GALNT10: variants seen among roughly 807,000 people sequenced by gnomAD.
The protein encoded by GALNT10 is GalNAc transferase 10.
A neutral mutation model predicts 75.0 loss-of-function variants in GALNT10; 41 were observed. That is an observed-to-expected ratio of 0.55 (90% CI 0.43 to 0.71). The LOEUF (loss-of-function observed/expected upper bound fraction) is 0.71. Among genes scored for constraint, GALNT10 ranks in the 30% least tolerant of loss-of-function variants. The pLI is 0.00. For synonymous variants in GALNT10, 302 were observed against 313.0 expected, an observed-to-expected ratio of 0.96 and a Z score of 0.37; for missense variants, 727 against 818.5, an observed-to-expected ratio of 0.89 and a Z score of 1.36.
At chr5:154,222,422 T>G (rs1251955801) in intron 1 of GALNT10, among the ~76,000 whole-genome samples, 1 of 152,218 alleles carries the variant, frequency 6.6e-6, no homozygotes, top group Non-Finnish European at 1.5e-5. Flanking sequence ...AAAGCTGTTA[T>G]AAACATTTGT....
intron 3 of GALNT10, among the ~76,000 whole-genome samples, chr5:154,303,424 T>C (rs1480259065): frequency 6.6e-6 from 1 of 151,716 alleles, no homozygotes; most frequent in African/African-American, 2.4e-5. Flanking sequence ...ATCTACAGAG[T>C]CCTCTCAAAC....
In GALNT10 at chr5:154,420,597, C is replaced by G. The variant is rs930098549; in HGVS notation, c.*3625C>G. On this transcript the variant is annotated 3_prime_UTR_variant, in exon 12 of 12. Coordinates refer to ENST00000297107, the MANE Select transcript of GALNT10 (RefSeq NM_198321.4). ...TTCTGGAATTCCTTATTGCTTTCAA[C>G]GGACACTCTTTGTGAAAAATCCAAG... is the stretch of plus-strand genomic sequence containing the variant. 1 of 152,196 alleles carries G rather than the reference C, an allele frequency of 6.6e-6. No homozygotes were observed. Among genetic ancestry groups the G allele is most frequent in the Non-Finnish European group, 1.5e-5 (1 of 68,040 alleles). 9.4% of individuals were successfully genotyped at this position (152,196 alleles called of 1,614,324 possible). A position where few individuals can be genotyped will look rare whatever the true frequency, so the allele number is the denominator to read the frequency against.
intron 1 of GALNT10, among the ~76,000 whole-genome samples, chr5:154,247,672 G>T (rs1018280533): frequency 6.6e-5 from 10 of 152,220 alleles, no homozygotes; most frequent in African/African-American, 2.4e-4. Context: ...TGTATCCTGA[G>T]ACTTTGCTGA....
chr5:154,284,276 TA>T (rs2113059309), intron 1 of GALNT10, among the ~76,000 whole-genome samples: 1 of 152,344 alleles, frequency 6.6e-6, no homozygotes, highest in South Asian at 2.1e-4. Flanking sequence ...ACAGAGCTAA[TA>T]AACAGAACTG....
chr5:154,322,734 C>T (rs1438562729), intron 3 of GALNT10, among the ~76,000 whole-genome samples: 1 of 152,154 alleles, frequency 6.6e-6, no homozygotes, highest in Non-Finnish European at 1.5e-5. Flanking sequence ...TCAGCCAGAG[C>T]TCACCATGTT....
chr5:154,366,257 A>G (rs1425272676), intron 4 of GALNT10, among the ~76,000 whole-genome samples: 1 of 152,164 alleles, frequency 6.6e-6, no homozygotes, highest in East Asian at 1.9e-4. Context: ...TCTCCTTTAC[A>G]TCACAATTGG....
chr5:154,239,181 ACT>A (rs1284085215), intron 1 of GALNT10, among the ~76,000 whole-genome samples: 7 of 152,032 alleles, frequency 4.6e-5, no homozygotes, highest in African/African-American at 1.7e-4. Flanking sequence ...TTCTGAGATA[ACT>A]CTGCAGGGTA....
intron 1 of GALNT10, among the ~76,000 whole-genome samples, chr5:154,276,668 T>G (rs1753957908): frequency 6.6e-6 from 1 of 152,194 alleles, no homozygotes; most frequent in Admixed American, 6.5e-5. Flanking sequence ...TCATTACAGA[T>G]AGTTTAAAAA....
intron 1 of GALNT10, among the ~76,000 whole-genome samples, chr5:154,221,411 G>T (rs766006377): frequency 6.6e-6 from 1 of 152,188 alleles, no homozygotes; most frequent in Admixed American, 6.5e-5. Flanking sequence ...CCGCTCCGGG[G>T]GTTAGGGTGC....
intron 1 of GALNT10, among the ~76,000 whole-genome samples, chr5:154,248,405 C>T (rs1419465107): frequency 6.6e-6 from 1 of 150,900 alleles, no homozygotes; most frequent in Non-Finnish European, 1.5e-5. Context: ...CCTCCTTGTA[C>T]CTCTGGTAGA....
chr5:154,247,841 G>A (rs12108937), intron 1 of GALNT10, among the ~76,000 whole-genome samples: 99,589 of 151,966 alleles, frequency 0.66, 32,971 homozygotes, highest in East Asian at 0.86. Context: ...AGAATTTCCA[G>A]CACTATGTTG....
intron 1 of GALNT10, among the ~76,000 whole-genome samples, chr5:154,210,499 C>A (rs936038780): frequency 1.3e-5 from 2 of 152,194 alleles, no homozygotes; most frequent in Non-Finnish European, 2.9e-5. Flanking sequence ...CCCCTTCTAC[C>A]CCAACCCTCA....
At chr5:154,228,704 G>T (rs1217329649) in intron 1 of GALNT10, among the ~76,000 whole-genome samples, 1 of 152,230 alleles carries the variant, frequency 6.6e-6, no homozygotes, top group Non-Finnish European at 1.5e-5. Flanking sequence ...TTGTATGTGG[G>T]TGGTGGTATA....
In GALNT10 at chr5:154,416,916, C is replaced by T. The variant is rs749688970; in HGVS notation, c.1756C>T (p.Gln586Ter). Residue 586 changes from glutamine (Q) to a stop codon, truncating the protein, a stop_gained, in exon 12 of 12, where the codon CAG becomes TAG. Transcript: ENST00000297107. LOFTEE classifies it high-confidence loss of function. The surrounding 1 kb of genome is among the most constrained non-coding windows in gnomAD (Gnocchi z 4.5). ...NTCNPSSLTQQWLFEHTNSTV... is the reference protein window; with the variant it reads ...NTCNPSSLTQ ...CTGCAACCCATCCTCTCTCACCCAG[C>T]AGTGGCTGTTTGAACACACCAACTC... 6.2e-7 allele frequency: 1 copy of T among 1,613,854 alleles called. No homozygotes were observed. The highest frequency in any genetic ancestry group is 1.3e-5 in the African/African-American group (1 of 74,936).
intron 1 of GALNT10, among the ~76,000 whole-genome samples, chr5:154,272,640 G>A (rs1753884328): frequency 6.6e-6 from 1 of 152,156 alleles, no homozygotes; most frequent in Non-Finnish European, 1.5e-5. Flanking sequence ...CCAGCTCCAT[G>A]TTCCTATCCC....
intron 1 of GALNT10, among the ~76,000 whole-genome samples, chr5:154,230,965 A>ATATC (rs1157625103): frequency 6.6e-6 from 1 of 152,220 alleles, no homozygotes; most frequent in African/African-American, 2.4e-5. Context: ...CTTCACAGAG[A>ATATC]TGGCAAGGCA....
chr5:154,197,836 T>C lies in GALNT10; in HGVS notation c.159+6811T>C, dbSNP rs370906264. Among the ~76,000 whole-genome samples the C allele has an allele frequency of 8.5e-5, 13 of 152,292 alleles. No homozygotes were observed. The East Asian group carries it at 2.5e-3, about 29-fold the overall frequency. ...TAGGAAAGAAGGAGGGAACTGAAGC[T>C]CGAAGAGGGGCAGGTGCTTGCCCAA... is the stretch of plus-strand genomic sequence containing the variant. On this transcript the variant is annotated intron_variant, in intron 1 of 11. Transcript: ENST00000297107.
At chr5:154,387,943 TG>T (rs1465713331) in intron 7 of GALNT10, 1 of 149,612 alleles carries the variant, frequency 6.7e-6, no homozygotes. Context: ...TTCACTCTGC[TG>T]CCCAGGCTGG....
At chr5:154,300,879 A>T (rs1378528781) in intron 3 of GALNT10, among the ~76,000 whole-genome samples, 1 of 152,204 alleles carries the variant, frequency 6.6e-6, no homozygotes, top group Non-Finnish European at 1.5e-5. Context: ...GAGGGGTGCT[A>T]TCTACAGCCT....
Sources: allele counts gnomAD v4.1 joint callset (sites outside exome capture counted in the v4.1 genomes callset), GRCh38; gene constraint gnomAD v4.1.1; non-coding constraint Gnocchi (gnomAD v3.1); transcripts MANE v1.5; gene names NCBI Gene and HGNC (gene_info 2026-07-23, HGNC 2026-07-21).